The following PAIP2B variants were observed in gnomAD, a reference collection of about 807,000 sequenced individuals.
The protein encoded by PAIP2B is polyadenylate-binding protein-interacting protein 2B.
Under a neutral mutation model 17.0 loss-of-function variants are expected in PAIP2B, and 13 were observed. The observed-to-expected ratio is 0.76, with a 90% confidence interval of 0.50 to 1.22. The LOEUF (loss-of-function observed/expected upper bound fraction) is 1.22. Ranked by LOEUF, PAIP2B falls within the 50% of genes most tolerant of loss-of-function variation. PAIP2B has a pLI of 0.00. For missense variants in PAIP2B, 117 were observed against 144.5 expected (o/e 0.81, Z 0.98); for synonymous variants, 43 against 48.7 (o/e 0.88, Z 0.48).
chr2:71,199,101 C>T (rs1425591557), intron 2 of PAIP2B, among the ~76,000 whole-genome samples: 2 of 152,076 alleles, frequency 1.3e-5, no homozygotes, highest in Admixed American at 6.5e-5. Context: ...ACTTATATTG[C>T]TTTGTGTTTG....
chr2:71,189,959 T>C lies in PAIP2B; in HGVS notation c.201A>G (p.Glu67=). The C allele has an allele frequency of 6.2e-7, 1 of 1,611,644 alleles. No homozygotes were observed. The highest frequency in any genetic ancestry group is 8.5e-7 in the Non-Finnish European group (1 of 1,179,078). ...LDRCFQEMLD[E]EDQDWFIPSR... ...AGGGAATAAACCAGTCTTGGTCTTC[T>C]TCATCCAGCATCTCTTGGAAGCAGC... Residue 67 remains glutamate (E), a synonymous_variant, in exon 3 of 4, where the codon GAA becomes GAG. Transcript: ENST00000244221.
chr2:71,222,050 T>C (rs1020458079), intron 1 of PAIP2B, among the ~76,000 whole-genome samples: 1 of 152,142 alleles, frequency 6.6e-6, no homozygotes, highest in Non-Finnish European at 1.5e-5. Context: ...TGTGGAAGCT[T>C]TGTTCTTTCA....
intron 1 of PAIP2B, among the ~76,000 whole-genome samples, chr2:71,212,725 A>G (rs1675332609): frequency 6.7e-6 from 1 of 149,252 alleles, no homozygotes; most frequent in Non-Finnish European, 1.5e-5. Flanking sequence ...AAGTGCTGAG[A>G]TAACAGGCAT....
rs545377216 is a variant in PAIP2B, at chr2:71,207,324, G to T, written c.-11-4724C>A. Among the ~76,000 whole-genome samples, 5 of 152,234 alleles carry T rather than the reference G, an allele frequency of 3.3e-5. No homozygotes were observed. The South Asian group carries it at 8.3e-4, about 25-fold the overall frequency. On this transcript the variant is annotated intron_variant, in intron 1 of 3. Coordinates refer to ENST00000244221, the MANE Select transcript of PAIP2B (RefSeq NM_020459.1). The stretch of plus-strand genomic sequence containing the variant: ...GAAAATGACGTACAATGAATCAAAG[G>T]CAGGAGGGAATTTTCGGGAACTACA...
chr2:71,222,719 G>A (rs1675620108), intron 1 of PAIP2B, among the ~76,000 whole-genome samples: 1 of 152,268 alleles, frequency 6.6e-6, no homozygotes, highest in East Asian at 1.9e-4. Context: ...TAGGAAACAG[G>A]CTCAGAAGTC....
chr2:71,186,411 A>C lies in PAIP2B; in HGVS notation c.*2068T>G, dbSNP rs938626261. The C allele has an allele frequency of 6.6e-6, 1 of 152,278 alleles. No individual in the cohort carries two copies. Among genetic ancestry groups the C allele is most frequent in the African/African-American group, 2.4e-5 (1 of 41,474 alleles). The allele number at this position is 152,278 out of a possible 1,614,324, so 9.4% of individuals were successfully genotyped here. A position where few individuals can be genotyped will look rare whatever the true frequency, so the allele number is the denominator to read the frequency against. On this transcript the variant is annotated 3_prime_UTR_variant, in exon 4 of 4. Transcript: ENST00000244221. ...AAGAAGACTAGAAATGCCAGCCCTC[A>C]GTGTCCATGCTAAACTGGCAGGAAG...
chr2:71,204,757 G>A (rs187915838), intron 1 of PAIP2B, among the ~76,000 whole-genome samples: 16 of 152,268 alleles, frequency 1.1e-4, no homozygotes, highest in Admixed American at 9.8e-4. Flanking sequence ...GCATAACAGT[G>A]ATAGAAGCAA....
intron 2 of PAIP2B, among the ~76,000 whole-genome samples, chr2:71,192,985 G>C (rs1261133352): frequency 6.6e-6 from 1 of 152,164 alleles, no homozygotes. Flanking sequence ...TTGAATTGTA[G>C]TTTTAGCTCT....
chr2:71,206,787 G>A (rs1169280607), intron 1 of PAIP2B, among the ~76,000 whole-genome samples: 1 of 152,110 alleles, frequency 6.6e-6, no homozygotes, highest in African/African-American at 2.4e-5. Context: ...ACTTTTGACT[G>A]AATTACCTGG....
rs767722779 is a variant in PAIP2B at position 71,202,564 on chromosome 2, G to A, written c.26C>T (p.Thr9Ile). 8 of 1,613,390 alleles carry A rather than the reference G, an allele frequency of 5.0e-6. No individual in the cohort carries two copies. Among genetic ancestry groups the A allele is most frequent in the Admixed American group, 3.3e-5 (2 of 59,970 alleles). The change falls in exon 2 of 4, where the codon ACA (threonine) becomes ATA (isoleucine). Residue 9 changes from threonine to isoleucine, a missense_variant. By Grantham distance (89) the Thr-to-Ile change is moderately conservative. Coordinates refer to ENST00000244221, the MANE Select transcript of PAIP2B (RefSeq NM_020459.1). MNGSNMAN[T>I]SPSVKSKEDQ... The stretch of plus-strand genomic sequence containing the variant: ...CTCTTTGGATTTTACACTCGGTGAT[G>A]TATTTGCCATATTGGATCCATTCAT...
intron 1 of PAIP2B, among the ~76,000 whole-genome samples, chr2:71,203,821 A>C (rs1675052919): frequency 6.6e-6 from 1 of 151,958 alleles, no homozygotes; most frequent in Non-Finnish European, 1.5e-5. Context: ...GCCGGCCTTA[A>C]ATTTTTCTAG....
intron 1 of PAIP2B, among the ~76,000 whole-genome samples, chr2:71,212,579 T>A (rs1427282725): frequency 6.6e-6 from 1 of 152,220 alleles, no homozygotes; most frequent in African/African-American, 2.4e-5. Flanking sequence ...TACTCTGGAA[T>A]CTGTTTTTGA....
At chr2:71,196,729 G>C (rs1257847244) in intron 2 of PAIP2B, among the ~76,000 whole-genome samples, 1 of 152,000 alleles carries the variant, frequency 6.6e-6, no homozygotes, top group African/African-American at 2.4e-5. Flanking sequence ...AGGAAAGTTA[G>C]GTCTTCTTGC....
chr2:71,194,478 T>C (rs1401282999), intron 2 of PAIP2B, among the ~76,000 whole-genome samples: 1 of 151,726 alleles, frequency 6.6e-6, no homozygotes, highest in Non-Finnish European at 1.5e-5. Flanking sequence ...TGTGTGTGTG[T>C]GTGTGTGTGT....
chr2:71,224,811 C>G (rs1221131738), intron 1 of PAIP2B, among the ~76,000 whole-genome samples: 3 of 152,318 alleles, frequency 2.0e-5, no homozygotes, highest in East Asian at 3.9e-4. Context: ...GAAATCATAG[C>G]TAGAGTCCTC....
At chr2:71,208,355 G>A (rs1360741018) in intron 1 of PAIP2B, among the ~76,000 whole-genome samples, 1 of 152,042 alleles carries the variant, frequency 6.6e-6, no homozygotes, top group East Asian at 1.9e-4. Flanking sequence ...CCTGGGAGAT[G>A]GAGGTTGTAG....
Position 71,189,851 on chromosome 2 carries a change from A to G in PAIP2B, c.309T>C (p.Asp103=), listed in dbSNP as rs1256629928. 1.9e-6 allele frequency: 3 copies of G among 1,551,454 alleles called. No individual in the cohort carries two copies. Among genetic ancestry groups the G allele is most frequent in the Middle Eastern group, 1.7e-4 (1 of 6,008 alleles). ...LSVSEGHDSE[D]ILSKSNLNPD... is the part of the protein sequence containing the mutation. ...AACTACATATGGCTCTTACCAAAAT[A>G]TCTTCAGAATCATGACCTTCACTGA... The change falls in exon 3 of 4, where the codon GAT becomes GAC. Residue 103 remains aspartate, a synonymous_variant. Coordinates refer to ENST00000244221, the MANE Select transcript of PAIP2B (RefSeq NM_020459.1).
intron 1 of PAIP2B, among the ~76,000 whole-genome samples, chr2:71,204,414 ATT>A (rs1675070355): frequency 6.6e-6 from 1 of 151,852 alleles, no homozygotes; most frequent in African/African-American, 2.4e-5. Flanking sequence ...TTTTGTTTTT[ATT>A]TTTTGTTTGT....
At chr2:71,194,635 G>A (rs1674771904) in intron 2 of PAIP2B, among the ~76,000 whole-genome samples, 1 of 152,148 alleles carries the variant, frequency 6.6e-6, no homozygotes, top group South Asian at 2.1e-4. Flanking sequence ...GAGCTTTTGG[G>A]CTGAGACTAC....
Sources: allele counts gnomAD v4.1 joint callset (sites outside exome capture counted in the v4.1 genomes callset), GRCh38; gene constraint gnomAD v4.1.1; transcripts MANE v1.5; gene names NCBI Gene and HGNC (gene_info 2026-07-23, HGNC 2026-07-21).